Variants in LRCH1 observed in about 807,000 individuals in gnomAD.
LRCH1 encodes leucine rich repeats and calponin homology domain containing 1, also known as leucine-rich repeat and calponin homology domain-containing protein 1.
In LRCH1, 23 loss-of-function variants were observed where a neutral mutation model predicts 94.9. The observed-to-expected ratio is 0.24, with a 90% CI of 0.17 to 0.34. The LOEUF (loss-of-function observed/expected upper bound fraction) is 0.34, where lower values mean the gene tolerates loss of function less well. LRCH1 is among the 10% of genes least tolerant of loss of function. The pLI is 1.00. For synonymous variants in LRCH1, 364 were observed against 354.9 expected (o/e 1.03, Z -0.29); for missense variants, 790 against 945.9 (o/e 0.84, Z 2.16).
chr13:46,732,240 A>G (rs1026014361), intron 18 of LRCH1, among the ~76,000 whole-genome samples: 2 of 152,248 alleles, frequency 1.3e-5, no homozygotes, highest in Admixed American at 1.3e-4. Context: ...GAGGGAATAT[A>G]GTAGTGAACA....
chr13:46,694,190 C>G (rs906284306), intron 8 of LRCH1, among the ~76,000 whole-genome samples: 3 of 152,302 alleles, frequency 2.0e-5, no homozygotes, highest in East Asian at 1.9e-4. Context: ...TTCCCCCTCT[C>G]GTCTAGATGT....
intron 1 of LRCH1, among the ~76,000 whole-genome samples, chr13:46,570,639 A>G (rs1055612883): frequency 6.6e-6 from 1 of 152,244 alleles, no homozygotes; most frequent in Non-Finnish European, 1.5e-5. Context: ...TTAAAAAACA[A>G]CAAAAACAAA....
chr13:46,657,498 T>TTA, intron 2 of LRCH1, among the ~76,000 whole-genome samples: 1 of 109,276 alleles, frequency 9.2e-6, no homozygotes, highest in East Asian at 2.4e-4. Context: ...TTCTTTTCTT[T>TTA]TCTTTTTTTT....
At chr13:46,738,570 A>T (rs532590750) in intron 19 of LRCH1, among the ~76,000 whole-genome samples, 1 of 152,294 alleles carries the variant, frequency 6.6e-6, no homozygotes, top group African/African-American at 2.4e-5. Flanking sequence ...TTTTAATCTT[A>T]AGAATAAGAG....
At chr13:46,683,943 G>C (rs1420079077) in intron 4 of LRCH1, among the ~76,000 whole-genome samples, 4 of 151,944 alleles carry the variant, frequency 2.6e-5, no homozygotes, top group Admixed American at 2.6e-4. Context: ...AATACTTTCA[G>C]TCAGTGACTG....
intron 4 of LRCH1, among the ~76,000 whole-genome samples, chr13:46,682,724 G>T (rs1263640155): frequency 6.6e-6 from 1 of 152,164 alleles, no homozygotes; most frequent in Non-Finnish European, 1.5e-5. Context: ...TTCACCAGTG[G>T]TGACAGCAGA....
intron 19 of LRCH1, among the ~76,000 whole-genome samples, chr13:46,735,578 A>G (rs1315175769): frequency 1.3e-5 from 2 of 152,234 alleles, no homozygotes; most frequent in African/African-American, 2.4e-5. Context: ...AAAGGAAACT[A>G]AATTACCATA....
At chr13:46,713,988 G>T (rs1019235033) in intron 15 of LRCH1, among the ~76,000 whole-genome samples, 1 of 152,186 alleles carries the variant, frequency 6.6e-6, no homozygotes, top group Non-Finnish European at 1.5e-5. Flanking sequence ...TCTTTTGAAT[G>T]TATAACTTGC....
At chr13:46,652,275 AC>A in intron 2 of LRCH1, among the ~76,000 whole-genome samples, 1 of 151,754 alleles carries the variant, frequency 6.6e-6, no homozygotes, top group South Asian at 2.1e-4. Flanking sequence ...GCGGGGTTTC[AC>A]CATGTTAGCC....
chr13:46,576,764 A>G (rs1431817112), intron 1 of LRCH1, among the ~76,000 whole-genome samples: 2 of 152,200 alleles, frequency 1.3e-5, no homozygotes, highest in Admixed American at 1.3e-4. Flanking sequence ...TGCTAGGACT[A>G]TGTTGGCATT....
chr13:46,664,377 A>G (rs2051488200), intron 2 of LRCH1, among the ~76,000 whole-genome samples: 1 of 152,238 alleles, frequency 6.6e-6, no homozygotes, highest in African/African-American at 2.4e-5. Flanking sequence ...ACATCTTAAC[A>G]TCTGAGCATA....
At chr13:46,623,473 C>T (rs561844100) in intron 1 of LRCH1, among the ~76,000 whole-genome samples, 2 of 152,178 alleles carry the variant, frequency 1.3e-5, no homozygotes, top group African/African-American at 4.8e-5. Flanking sequence ...ACCAGTAAGG[C>T]AAAGTGGCCA....
At chr13:46,554,778 T>C (rs767083993) in intron 1 of LRCH1, among the ~76,000 whole-genome samples, 2 of 152,132 alleles carry the variant, frequency 1.3e-5, no homozygotes, top group Non-Finnish European at 2.9e-5. Context: ...GTTTGTGTCA[T>C]AGCAAGCGCC....
chr13:46,622,670 G>C (rs1025415643), intron 1 of LRCH1, among the ~76,000 whole-genome samples: 8 of 152,194 alleles, frequency 5.3e-5, no homozygotes, highest in African/African-American at 1.9e-4. Flanking sequence ...CTGAGAACCT[G>C]TAAGGTGACA....
At chr13:46,574,223 C>T (rs2137926056) in intron 1 of LRCH1, among the ~76,000 whole-genome samples, 1 of 151,878 alleles carries the variant, frequency 6.6e-6, no homozygotes, top group Non-Finnish European at 1.5e-5. Context: ...CTTTGTAACA[C>T]AAAGGATAAA....
chr13:46,609,774 A>G (rs1295020508), intron 1 of LRCH1, among the ~76,000 whole-genome samples: 1 of 152,158 alleles, frequency 6.6e-6, no homozygotes, highest in Non-Finnish European at 1.5e-5. Flanking sequence ...ATAGCTGTAA[A>G]GTAAAGCAAA....
chr13:46,696,691 A>G (rs565188578), intron 9 of LRCH1, among the ~76,000 whole-genome samples: 2 of 152,302 alleles, frequency 1.3e-5, no homozygotes, highest in East Asian at 1.9e-4. Flanking sequence ...TAATGATAAA[A>G]TGAACATCTA....
intron 10 of LRCH1, 45 bp downstream of exon 10, chr13:46,699,448 A>G: frequency 1.3e-6 from 2 of 1,552,624 alleles, no homozygotes; most frequent in East Asian, 4.5e-5. Context: ...ACTCAAATCC[A>G]CTTTGCAAGC....
chr13:46,673,044 A>G (rs1035869535), intron 3 of LRCH1, among the ~76,000 whole-genome samples: 13 of 152,246 alleles, frequency 8.5e-5, no homozygotes, highest in Non-Finnish European at 4.4e-5. Flanking sequence ...ATTAATTGTA[A>G]TAATATTTAT....
Sources: allele counts gnomAD v4.1 joint callset (sites outside exome capture counted in the v4.1 genomes callset), GRCh38; gene constraint gnomAD v4.1.1; transcripts MANE v1.5; gene names NCBI Gene and HGNC (gene_info 2026-07-23, HGNC 2026-07-21).